The following LIMD1 variants were observed in gnomAD, a reference collection of about 807,000 sequenced individuals.
LIMD1 encodes the protein LIM domain-containing protein 1.
In LIMD1, 23 loss-of-function variants were observed where a neutral mutation model predicts 58.4. That is an observed-to-expected ratio of 0.39 (90% confidence interval 0.28 to 0.56). The LOEUF is 0.56. Among genes scored for constraint, LIMD1 ranks in the 20% least tolerant of loss-of-function variants. The pLI, the probability that LIMD1 is intolerant of heterozygous loss-of-function variation, is 0.57. For missense variants in LIMD1, 838 were observed against 855.5 expected (o/e 0.98, Z 0.25); for synonymous variants, 334 against 345.5 (o/e 0.97, Z 0.37).
chr3:45,610,774 G>T (rs191688606), intron 1 of LIMD1, among the ~76,000 whole-genome samples: 31 of 152,314 alleles, frequency 2.0e-4, no homozygotes, highest in African/African-American at 7.5e-4. Context: ...CAGTACGGGA[G>T]ACTGGCCACG....
chr3:45,632,877 T>C (rs1215401619), intron 1 of LIMD1, among the ~76,000 whole-genome samples: 2 of 152,198 alleles, frequency 1.3e-5, no homozygotes, highest in African/African-American at 2.4e-5. Flanking sequence ...ACACCACTGC[T>C]TTCCAGGGTG....
In LIMD1 at chr3:45,678,593, A is replaced by T. The variant is rs1308253449; in HGVS notation, c.*1534A>T. On this transcript the variant is annotated 3_prime_UTR_variant, in exon 8 of 8. Coordinates refer to ENST00000273317, the MANE Select transcript of LIMD1 (RefSeq NM_014240.3). ...TTAGAAGAAGCTGCAAAAGAAAGGC[A>T]GCCCATTTTACCATTGCCAGCCAGG... is the stretch of plus-strand genomic sequence containing the variant. The T allele has an allele frequency of 6.6e-6, 1 of 152,334 alleles. No homozygotes were observed. The highest frequency in any genetic ancestry group is 1.5e-5 in the Non-Finnish European group (1 of 68,116). The allele number at this position is 152,334 out of a possible 1,614,324, so 9.4% of individuals were successfully genotyped here.
intron 1 of LIMD1, among the ~76,000 whole-genome samples, chr3:45,629,153 C>G (rs973261281): frequency 2.0e-5 from 3 of 152,064 alleles, no homozygotes; most frequent in Non-Finnish European, 4.4e-5. Flanking sequence ...GTGGTTCACG[C>G]CTGTATTCCC....
chr3:45,631,769 C>T (rs975272981), intron 1 of LIMD1, among the ~76,000 whole-genome samples: 4 of 152,164 alleles, frequency 2.6e-5, no homozygotes, highest in South Asian at 2.1e-4. Context: ...AGAGCATCCA[C>T]GTGAAGACGC....
chr3:45,684,601 T>TTA lies in LIMD1; in HGVS notation c.*7542_*7543insTA, dbSNP rs1697787016. The TTA allele has an allele frequency of 6.6e-6, 1 of 152,066 alleles. No homozygotes were observed. The highest frequency in any genetic ancestry group is 1.5e-5 in the Non-Finnish European group (1 of 68,010). 9.4% of individuals were successfully genotyped at this position (152,066 alleles called of 1,614,324 possible). A position where few individuals can be genotyped will look rare whatever the true frequency, so the allele number is the denominator to read the frequency against. On this transcript the variant is annotated 3_prime_UTR_variant, in exon 8 of 8. Coordinates refer to ENST00000273317, the MANE Select transcript of LIMD1 (RefSeq NM_014240.3). ...CCATTCCTGGCGGGAAGCAGACTGA[T>TTA]ATATAGAGGAGGGGGTTTGAAGAGG...
At chr3:45,658,366 G>A (rs150316565) in intron 2 of LIMD1, among the ~76,000 whole-genome samples, 177 of 152,038 alleles carry the variant, frequency 1.2e-3, no homozygotes, top group African/African-American at 4.2e-3. Flanking sequence ...TCCGGACATG[G>A]GAATTCTCAG....
At chr3:45,666,374 A>C (rs918894310) in intron 3 of LIMD1, among the ~76,000 whole-genome samples, 1 of 152,070 alleles carries the variant, frequency 6.6e-6, no homozygotes, top group Non-Finnish European at 1.5e-5. Context: ...GGCTAGCTTA[A>C]CGGCCTCCGC....
chr3:45,636,695 C>T (rs1701792216), intron 2 of LIMD1, among the ~76,000 whole-genome samples: 1 of 152,142 alleles, frequency 6.6e-6, no homozygotes, highest in African/African-American at 2.4e-5. Flanking sequence ...ACTCTGTAAC[C>T]ACCTCCCTAA....
chr3:45,622,648 G>C (rs907382229), intron 1 of LIMD1, among the ~76,000 whole-genome samples: 1 of 151,450 alleles, frequency 6.6e-6, no homozygotes, highest in Non-Finnish European at 1.5e-5. Flanking sequence ...GGGTCAAATA[G>C]TGTGAACTTT....
At position 45,672,815 on chromosome 3, in the gene LIMD1, C is replaced by T. The variant is rs147485521; in HGVS notation, c.1767C>T (p.Tyr589=). ...SENKIYCVRD[Y]HKVLAPKCAA... is the part of the protein sequence containing the mutation. ...ACAAGATCTACTGTGTCCGAGATTA[C>T]CACAAGTAAGAAGGGATGGGAGCAG... Residue 589 remains tyrosine, a synonymous_variant, in exon 5 of 8, where the codon TAC becomes TAT. Transcript: ENST00000273317. 2.2e-4 allele frequency: 357 copies of T among 1,613,582 alleles called. No individual in the cohort carries two copies. The highest frequency in any genetic ancestry group is 2.7e-4 in the Non-Finnish European group (317 of 1,179,730).
intron 1 of LIMD1, among the ~76,000 whole-genome samples, chr3:45,613,185 C>T (rs746748335): frequency 6.6e-6 from 1 of 152,130 alleles, no homozygotes; most frequent in Non-Finnish European, 1.5e-5. Context: ...CAGGCACGAG[C>T]TACAGGGCTG....
chr3:45,653,907 C>CAAAAAAAAAAAAAAAAAAAAAAA (rs35185922), intron 2 of LIMD1, among the ~76,000 whole-genome samples: 1 of 74,874 alleles, frequency 1.3e-5, no homozygotes, highest in Non-Finnish European at 2.5e-5. Flanking sequence ...AAGACTGTCT[C>CAAAAAAAAAAAAAAAAAAAAAAA]AAAAAAAAAA....
intron 1 of LIMD1, among the ~76,000 whole-genome samples, chr3:45,609,792 C>T (rs557534472): frequency 1.3e-5 from 2 of 152,334 alleles, no homozygotes; most frequent in African/African-American, 4.8e-5. Flanking sequence ...CTTAGTTCCT[C>T]CTGCTGTATC....
chr3:45,648,255 C>A (rs1701927468), intron 2 of LIMD1, among the ~76,000 whole-genome samples: 1 of 152,178 alleles, frequency 6.6e-6, no homozygotes, highest in Non-Finnish European at 1.5e-5. Context: ...TCCTTACTCA[C>A]CTTCCCTCAT....
intron 2 of LIMD1, among the ~76,000 whole-genome samples, chr3:45,636,716 G>A (rs189064850): frequency 2.0e-5 from 3 of 152,268 alleles, no homozygotes; most frequent in Non-Finnish European, 2.9e-5. Flanking sequence ...CCTAATCTTT[G>A]ATTTGGAGGC....
At position 45,595,225 on chromosome 3, in the gene LIMD1, G is replaced by T. The variant is rs756898861; in HGVS notation, c.346G>T (p.Ala116Ser). Residue 116 changes from alanine to serine, a missense_variant, in exon 1 of 8, where the codon GCA (alanine) becomes TCA (serine). Coordinates refer to ENST00000273317, the MANE Select transcript of LIMD1 (RefSeq NM_014240.3). ...PLAASTGAPG[A>S]VTTLAAGQPP... Reference sequence around the variant, plus strand: ...TGCTGCCTCGACAGGGGCACCTGGGGCAGTCACCACCCTCGCTGCTGGGCA... The same window carrying T: ...TGCTGCCTCGACAGGGGCACCTGGGTCAGTCACCACCCTCGCTGCTGGGCA... The T allele has an allele frequency of 2.5e-6, 4 of 1,602,762 alleles. No homozygotes were observed. In the South Asian group the frequency reaches 3.3e-5, roughly 13 times the overall value.
At chr3:45,614,787 G>C (rs13089744) in intron 1 of LIMD1, among the ~76,000 whole-genome samples, 4 of 131,868 alleles carry the variant, frequency 3.0e-5, no homozygotes, top group South Asian at 2.5e-4. Flanking sequence ...TTTTTTTGCC[G>C]TTTTTTAAAC....
intron 4 of LIMD1, among the ~76,000 whole-genome samples, chr3:45,670,368 A>T (rs1697574004): frequency 6.6e-6 from 1 of 152,052 alleles, no homozygotes; most frequent in African/African-American, 2.4e-5. Context: ...TTGTAGTTTA[A>T]AACAATAGTG....
At position 45,612,068 on chromosome 3, in the gene LIMD1, G is replaced by GCTCT. The variant is rs1185088852; in HGVS notation, c.1408+15782_1408+15783insTCTC. ...CAGCTCTGTCATGGTTTGCAGGTGC[G>GCTCT]CGCTCTCTCTCTCTCTCTCTCTCTC... On this transcript the variant is annotated intron_variant, in intron 1 of 7. Coordinates refer to ENST00000273317, the MANE Select transcript of LIMD1 (RefSeq NM_014240.3). 3.2e-3 allele frequency among the ~76,000 whole-genome samples: 287 copies of GCTCT among 89,394 alleles called. 1 individual carries two copies. The highest frequency in any genetic ancestry group is 8.3e-3 in the African/African-American group (276 of 33,056). 58.6% of individuals were successfully genotyped at this position (89,394 alleles called of 152,430 possible).
Sources: gnomAD v4.1 joint callset for allele counts (sites outside exome capture counted in the v4.1 genomes callset) on GRCh38, gnomAD v4.1.1 for gene constraint, MANE v1.5 for transcripts, NCBI Gene and HGNC (gene_info 2026-07-23, HGNC 2026-07-21) for gene names.